Variants in MCPH1 observed in about 807,000 individuals in gnomAD.
The protein encoded by MCPH1 is microcephalin 1, also known as microcephalin.
In MCPH1, 104 loss-of-function variants were observed where a neutral mutation model predicts 84.5. That is an observed-to-expected ratio of 1.23 (90% CI 1.05 to 1.45). The LOEUF (loss-of-function observed/expected upper bound fraction) is 1.45, where lower values mean the gene tolerates loss of function less well. MCPH1 is among the 40% of genes most tolerant of loss of function. The probability of loss-of-function intolerance (pLI) is 0.00; values close to 1 mark genes in which losing one functional copy is unlikely to be tolerated. For missense variants in MCPH1, 1,498 were observed against 1,005.7 expected, an observed-to-expected ratio of 1.49 and a Z score of -6.62; for synonymous variants, 514 against 366.8, an observed-to-expected ratio of 1.40 and a Z score of -4.58.
chr8:6,505,504 TATATATAGAATATATATTCTTTATATATG>T (rs1813386045), intron 12 of MCPH1, among the ~76,000 whole-genome samples: 1 of 4,500 alleles, frequency 2.2e-4, no homozygotes, highest in Non-Finnish European at 4.4e-4. Flanking sequence ...TTTATATATG[TATATATAGAATATATATTCTTTATATATG>T]TATATATAGA....
chr8:6,496,544 T>G (rs1811252891), intron 11 of MCPH1, among the ~76,000 whole-genome samples: 1 of 146,728 alleles, frequency 6.8e-6, no homozygotes. Flanking sequence ...CCCCCGCCTT[T>G]TTCCTTTCCA....
chr8:6,525,785 A>T (rs2922889), intron 12 of MCPH1, among the ~76,000 whole-genome samples: 46,579 of 152,010 alleles, frequency 0.31, 7,771 homozygotes, highest in East Asian at 0.7. Flanking sequence ...TTCCTTTCAT[A>T]TCTGTGACAA....
chr8:6,478,966 A>G (rs1314530861), intron 10 of MCPH1, among the ~76,000 whole-genome samples: 1 of 152,196 alleles, frequency 6.6e-6, no homozygotes, highest in Non-Finnish European at 1.5e-5. Context: ...TAAGATCACT[A>G]GAGATAAAAC....
intron 11 of MCPH1, among the ~76,000 whole-genome samples, chr8:6,489,672 T>A (rs1042572879): frequency 2.6e-5 from 4 of 152,170 alleles, no homozygotes; most frequent in Admixed American, 6.5e-5. Context: ...TGCTGCTACA[T>A]CAGAGAGATT....
intron 13 of MCPH1, chr8:6,642,619 T>A: frequency 2.7e-6 from 1 of 369,294 alleles, no homozygotes; most frequent in Non-Finnish European, 5.2e-6. Context: ...TACTCTGCCT[T>A]ATGCCAAGAG....
chr8:6,546,325 G>A (rs1822568696), intron 12 of MCPH1, among the ~76,000 whole-genome samples: 2 of 152,162 alleles, frequency 1.3e-5, no homozygotes, highest in South Asian at 2.1e-4. Context: ...GCAGTTCACC[G>A]TTTCAACAGT....
chr8:6,429,846 C>T lies in MCPH1; in HGVS notation c.234-1653C>T, dbSNP rs139681590. ...CTCCTCCTCCTGGACCAGTGATCTG[C>T]CCACGACCCCTCCCTCACACCTGTC... On this transcript the variant is annotated intron_variant, in intron 3 of 13. Coordinates refer to ENST00000344683, the MANE Select transcript of MCPH1 (RefSeq NM_024596.5). 4.1e-4 allele frequency among the ~76,000 whole-genome samples: 63 copies of T among 152,260 alleles called. No homozygotes were observed. The East Asian group carries it at 0.011, about 26-fold the overall frequency.
chr8:6,581,280 G>A (rs183950144), intron 12 of MCPH1, among the ~76,000 whole-genome samples: 16 of 152,264 alleles, frequency 1.1e-4, no homozygotes, highest in Admixed American at 1.0e-3. Flanking sequence ...TACTGTTCAA[G>A]GTCATCACCA....
chr8:6,522,948 C>T (rs780203594), intron 12 of MCPH1, among the ~76,000 whole-genome samples: 1 of 152,020 alleles, frequency 6.6e-6, no homozygotes, highest in East Asian at 1.9e-4. Context: ...AGCGCTATGG[C>T]ATGTACTTAA....
At chr8:6,471,936 G>A (rs772036447) in intron 9 of MCPH1, among the ~76,000 whole-genome samples, 13 of 152,134 alleles carry the variant, frequency 8.5e-5, no homozygotes, top group Admixed American at 1.3e-4. Context: ...TATGGTTCTC[G>A]TATTACTGAT....
chr8:6,509,209 G>C (rs1021491876), intron 12 of MCPH1: 2 of 1,061,416 alleles, frequency 1.9e-6, no homozygotes, highest in South Asian at 1.7e-5. Context: ...AAAATATTTT[G>C]CACTGGTATA....
intron 12 of MCPH1, among the ~76,000 whole-genome samples, chr8:6,606,966 CCT>C (rs1248859251): frequency 2.6e-5 from 4 of 152,210 alleles, no homozygotes; most frequent in Middle Eastern, 3.2e-3. Flanking sequence ...GTCCATTAAA[CCT>C]CTTTCTTTTG....
At chr8:6,629,498 C>T (rs1315921960) in intron 13 of MCPH1, among the ~76,000 whole-genome samples, 1 of 152,102 alleles carries the variant, frequency 6.6e-6, no homozygotes, top group Non-Finnish European at 1.5e-5. Flanking sequence ...GACAAAGAAA[C>T]ACCAAAGATA....
chr8:6,477,044 A>G (rs1808557721), intron 9 of MCPH1, among the ~76,000 whole-genome samples: 1 of 116,068 alleles, frequency 8.6e-6, no homozygotes, highest in African/African-American at 3.3e-5. Context: ...AGCAAAAAAA[A>G]AATTAAACAT....
chr8:6,435,941 T>G, intron 4 of MCPH1, 107 bp from the exon 5 acceptor site: 1 of 1,368,000 alleles, frequency 7.3e-7, no homozygotes, highest in Non-Finnish European at 1.0e-6. Flanking sequence ...TTTAGAATTT[T>G]TTATTACTGA....
intron 4 of MCPH1, among the ~76,000 whole-genome samples, 188 bp from the exon 5 acceptor site, chr8:6,435,860 T>C (rs544534530): frequency 2.0e-5 from 3 of 152,364 alleles, no homozygotes; most frequent in Non-Finnish European, 4.4e-5. Flanking sequence ...TTTTAAATTC[T>C]GTCCATTTTC....
intron 12 of MCPH1, among the ~76,000 whole-genome samples, chr8:6,608,254 G>A (rs961833594): frequency 1.3e-5 from 2 of 152,250 alleles, no homozygotes; most frequent in Admixed American, 1.3e-4. Context: ...ACCGGCTGGT[G>A]GCAGGGGGGC....
chr8:6,580,781 AGT>A (rs1827507597), intron 12 of MCPH1, among the ~76,000 whole-genome samples: 1 of 152,216 alleles, frequency 6.6e-6, no homozygotes, highest in Non-Finnish European at 1.5e-5. Context: ...CCATGATGGT[AGT>A]TAGTGCATCC....
chr8:6,446,707 C>T (rs1234500654), intron 8 of MCPH1: 2 of 985,050 alleles, frequency 2.0e-6, no homozygotes, highest in Non-Finnish European at 2.4e-6. Context: ...CATTCTCCAT[C>T]TTTCCAGTTT....
Sources: gnomAD v4.1 joint callset for allele counts (sites outside exome capture counted in the v4.1 genomes callset) on GRCh38, gnomAD v4.1.1 for gene constraint, MANE v1.5 for transcripts, NCBI Gene and HGNC (gene_info 2026-07-23, HGNC 2026-07-21) for gene names.